NHEJ1: variants seen among roughly 807,000 people sequenced by gnomAD.
NHEJ1 encodes non-homologous end-joining factor 1.
In NHEJ1, 22 loss-of-function variants were observed where a neutral mutation model predicts 39.4. The ratio of observed to expected loss-of-function variants is 0.56; its 90% CI spans 0.40 to 0.80. The LOEUF (loss-of-function observed/expected upper bound fraction) is 0.80. Ranked by LOEUF, NHEJ1 falls within the 30% of genes least tolerant of loss-of-function variation. NHEJ1 has a pLI of 0.00. For missense variants in NHEJ1, 329 were observed against 357.1 expected (o/e 0.92, Z 0.63); for synonymous variants, 154 against 135.6 (o/e 1.14, Z -0.94).
rs975679781 is a variant in NHEJ1, at chr2:219,072,983, A to G, written c.*3398T>C. On this transcript the variant is annotated 3_prime_UTR_variant, in exon 8 of 8. Coordinates refer to ENST00000356853, the MANE Select transcript of NHEJ1 (RefSeq NM_024782.3). Reference sequence around the variant, plus strand: ...GCTTATCTCCCAACAAACGTGGGCTAAGGAGGAGGTAAGGGCTTGGGAAAA... The same window carrying G: ...GCTTATCTCCCAACAAACGTGGGCTGAGGAGGAGGTAAGGGCTTGGGAAAA... 1.3e-5 allele frequency among the ~76,000 whole-genome samples: 2 copies of G among 152,162 alleles called. No homozygotes were observed. The highest frequency in any genetic ancestry group is 4.8e-5 in the African/African-American group (2 of 41,430).
At chr2:219,088,307 G>A (rs1320377931) in intron 5 of NHEJ1, among the ~76,000 whole-genome samples, 5 of 152,064 alleles carry the variant, frequency 3.3e-5, no homozygotes, top group African/African-American at 1.2e-4. Context: ...TAAAAGTATG[G>A]CTACAAAGAG....
intron 5 of NHEJ1, among the ~76,000 whole-genome samples, chr2:219,097,646 G>A (rs1331287508): frequency 6.6e-6 from 1 of 152,162 alleles, no homozygotes; most frequent in African/African-American, 2.4e-5. Flanking sequence ...TAACCAAGGA[G>A]AAGGCTATGG....
At chr2:219,088,218 C>A (rs769133400) in intron 5 of NHEJ1, among the ~76,000 whole-genome samples, 4 of 152,186 alleles carry the variant, frequency 2.6e-5, no homozygotes, top group Non-Finnish European at 5.9e-5. Context: ...CATTCCACTT[C>A]TATGTATTTC....
chr2:219,100,913 AG>A (rs1445235342), intron 5 of NHEJ1, among the ~76,000 whole-genome samples: 13 of 152,224 alleles, frequency 8.5e-5, no homozygotes, highest in African/African-American at 3.1e-4. Flanking sequence ...TAAACACTAT[AG>A]ATGTATATAA....
chr2:219,157,989 TCTCACACACACACACACACACACACACA>T (rs1393588404), intron 2 of NHEJ1, among the ~76,000 whole-genome samples, 169 bp downstream of exon 2: 2 of 119,068 alleles, frequency 1.7e-5, no homozygotes, highest in South Asian at 2.8e-4. Flanking sequence ...TCTCTCTCTC[TCTCACACACACACACACACACACACACA>T]CACACACACA....
chr2:219,146,113 C>T (rs1949736828), intron 5 of NHEJ1, among the ~76,000 whole-genome samples: 1 of 152,116 alleles, frequency 6.6e-6, no homozygotes, highest in Admixed American at 6.6e-5. Context: ...TTTGGCTGAG[C>T]TCAATCCTTA....
intron 5 of NHEJ1, among the ~76,000 whole-genome samples, chr2:219,145,022 C>T (rs1457100376): frequency 6.6e-6 from 1 of 152,110 alleles, no homozygotes; most frequent in Non-Finnish European, 1.5e-5. Context: ...CAAGACCAGC[C>T]TGATCAACAT....
At chr2:219,137,162 CA>C (rs1949639782) in intron 5 of NHEJ1, among the ~76,000 whole-genome samples, 1 of 150,696 alleles carries the variant, frequency 6.6e-6, no homozygotes, top group Admixed American at 6.6e-5. Flanking sequence ...TCAGAAAAAA[CA>C]AAATATAGTT....
intron 5 of NHEJ1, among the ~76,000 whole-genome samples, chr2:219,146,300 G>C (rs1441611296): frequency 6.6e-6 from 1 of 152,020 alleles, no homozygotes; most frequent in Non-Finnish European, 1.5e-5. Flanking sequence ...ATCCTGAAAG[G>C]GCCTAGACAA....
chr2:219,146,567 A>G, intron 5 of NHEJ1, 113 bp downstream of exon 5: 1 of 851,774 alleles, frequency 1.2e-6, no homozygotes, highest in South Asian at 1.3e-5. Flanking sequence ...TTTTTCAGAC[A>G]AAGGGCATTC....
intron 5 of NHEJ1, among the ~76,000 whole-genome samples, chr2:219,134,719 T>C (rs1181041788): frequency 1.3e-5 from 2 of 152,162 alleles, no homozygotes; most frequent in Non-Finnish European, 2.9e-5. Flanking sequence ...CTAGGCATTC[T>C]CACTTGTACG....
intron 3 of NHEJ1, among the ~76,000 whole-genome samples, chr2:219,149,194 A>AT (rs977300879): frequency 2.0e-5 from 3 of 151,852 alleles, no homozygotes; most frequent in African/African-American, 7.3e-5. Context: ...CACACACCCC[A>AT]TTTTTAACAA....
rs1024789577 is a variant in NHEJ1, at chr2:219,076,589, G to A, written c.826-134C>T. On this transcript the variant is annotated intron_variant, in intron 7 of 7. Transcript: ENST00000356853. Reference sequence around the variant, plus strand: ...TTTTTTTTTTTTTTTTTCCACCCAGGCTGGAGTACATGGGCACAATCAGAG... The same window carrying A: ...TTTTTTTTTTTTTTTTTCCACCCAGACTGGAGTACATGGGCACAATCAGAG... 17 of 782,954 alleles carry A rather than the reference G, an allele frequency of 2.2e-5. No individual in the cohort carries two copies. The African/African-American group carries it at 3.1e-4, about 14-fold the overall frequency. 48.5% of individuals were successfully genotyped at this position (782,954 alleles called of 1,614,324 possible).
chr2:219,135,867 T>A (rs1235638932), intron 5 of NHEJ1, among the ~76,000 whole-genome samples: 1 of 152,144 alleles, frequency 6.6e-6, no homozygotes, highest in East Asian at 1.9e-4. Flanking sequence ...ATGGTGGATT[T>A]GATGGAGCAA....
chr2:219,079,818 G>A (rs952853644), intron 5 of NHEJ1, among the ~76,000 whole-genome samples: 2 of 152,158 alleles, frequency 1.3e-5, no homozygotes, highest in Middle Eastern at 3.2e-3. Flanking sequence ...CTGATGGTGG[G>A]GAGGCAAACA....
intron 1 of NHEJ1, among the ~76,000 whole-genome samples, chr2:219,159,518 TATATATGCATATATATATGC>T (rs1949893043): frequency 5.0e-5 from 2 of 40,082 alleles, no homozygotes; most frequent in Admixed American, 2.4e-4. Context: ...TAACTTTATA[TATATATGCATATATATATGC>T]ATATATATAT....
intron 5 of NHEJ1, among the ~76,000 whole-genome samples, chr2:219,116,661 T>C (rs1208776275): frequency 2.0e-5 from 3 of 152,184 alleles, no homozygotes; most frequent in South Asian, 4.1e-4. Flanking sequence ...CCAGCCTTTC[T>C]GCTTTCTTTA....
At chr2:219,156,471 CTG>C (rs144013005) in intron 3 of NHEJ1, among the ~76,000 whole-genome samples, 24 of 152,312 alleles carry the variant, frequency 1.6e-4, no homozygotes, top group African/African-American at 5.3e-4. Flanking sequence ...CTGACTAAAA[CTG>C]TGTCTGTTAT....
At chr2:219,138,995 T>C (rs1490502244) in intron 5 of NHEJ1, among the ~76,000 whole-genome samples, 1 of 152,220 alleles carries the variant, frequency 6.6e-6, no homozygotes, top group Non-Finnish European at 1.5e-5. Context: ...ATAAAAAGAA[T>C]ACAGTGAGAT....
Sources: allele counts gnomAD v4.1 joint callset (sites outside exome capture counted in the v4.1 genomes callset), GRCh38; gene constraint gnomAD v4.1.1; transcripts MANE v1.5; gene names NCBI Gene and HGNC (gene_info 2026-07-23, HGNC 2026-07-21).